LOXHD1: variants seen among roughly 807,000 people sequenced by gnomAD.
LOXHD1 encodes the protein lipoxygenase homology domain-containing protein 1.
Under a neutral mutation model 248.2 loss-of-function variants are expected in LOXHD1, and 205 were observed. The ratio of observed to expected loss-of-function variants is 0.83; its 90% CI spans 0.74 to 0.93. The LOEUF is 0.93. Among genes scored for constraint, LOXHD1 ranks in the 40% least tolerant of loss-of-function variants. LOXHD1 has a pLI of 0.00. For synonymous variants in LOXHD1, 1,113 were observed against 1,162.8 expected, an observed-to-expected ratio of 0.96 and a Z score of 0.87; for missense variants, 2,930 against 2,971.6, an observed-to-expected ratio of 0.99 and a Z score of 0.33.
chr18:46,483,894 A>C (rs2032806851), intron 39 of LOXHD1, 149 bp from the exon 40 acceptor site: 1 of 916,544 alleles, frequency 1.1e-6, no homozygotes, highest in Admixed American at 2.7e-5. Flanking sequence ...GGAGGCTTTG[A>C]GGGGTTCAGT....
chr18:46,582,679 AC>A (rs1176062203), intron 12 of LOXHD1, among the ~76,000 whole-genome samples: 2 of 152,212 alleles, frequency 1.3e-5, no homozygotes, highest in Non-Finnish European at 2.9e-5. Flanking sequence ...TTCTGCAGAA[AC>A]AGGGTGAATC....
rs192238883 is a variant in LOXHD1, at chr18:46,517,459, T to C, written c.5399+670A>G. Among the ~76,000 whole-genome samples, 18 of 152,260 alleles carry C rather than the reference T, an allele frequency of 1.2e-4. No individual in the cohort carries two copies. In the East Asian group the frequency reaches 3.5e-3, roughly 29 times the overall value. ...GGGGATGATAATAATTGGGTTATTA[T>C]TATAGGGTTGAGGAAAAGACTAAGT... On this transcript the variant is annotated intron_variant, in intron 34 of 40. Transcript: ENST00000642948.
intron 10 of LOXHD1, among the ~76,000 whole-genome samples, chr18:46,592,812 G>A (rs910189592): frequency 6.6e-6 from 1 of 152,154 alleles, no homozygotes; most frequent in African/African-American, 2.4e-5. Context: ...AGTCTGGGCC[G>A]GTGAAACTGA....
rs2037488720 is a variant in LOXHD1, at chr18:46,560,216, C to G, written c.2928G>C (p.Glu976Asp). Residue 976 changes from glutamate to aspartate, a missense_variant, in exon 19 of 41, where the codon GAG becomes GAC. By Grantham distance (45) the Glu-to-Asp change is conservative. Transcript: ENST00000642948. ...EEEEMEEEEE[E>D]EEFGPGMQEV... ...CCTGCATCCCCGGCCCAAACTCCTC[C>G]TCTTCCTCCTCTTCTTCCATCTCCT... The G allele has an allele frequency of 1.3e-6, 2 of 1,551,672 alleles. No individual in the cohort carries two copies. The highest frequency in any genetic ancestry group is 1.7e-6 in the Non-Finnish European group (2 of 1,146,966).
intron 10 of LOXHD1, among the ~76,000 whole-genome samples, chr18:46,593,388 G>A (rs1235628641): frequency 1.3e-5 from 2 of 152,166 alleles, no homozygotes; most frequent in Non-Finnish European, 2.9e-5. Flanking sequence ...GTTTGATTCA[G>A]ATGAATGGGC....
At chr18:46,588,133 T>A (rs1276826074) in intron 12 of LOXHD1, among the ~76,000 whole-genome samples, 18 of 152,058 alleles carry the variant, frequency 1.2e-4, no homozygotes, top group Admixed American at 1.2e-3. Context: ...CCAGCTCTAT[T>A]TATTGTTAGA....
intron 34 of LOXHD1, among the ~76,000 whole-genome samples, chr18:46,514,460 T>C (rs2035139704): frequency 6.6e-6 from 1 of 152,178 alleles, no homozygotes. Context: ...TCCCCAAAGA[T>C]AAGCCCTTTG....
intron 21 of LOXHD1, among the ~76,000 whole-genome samples, chr18:46,550,348 T>G (rs1000623788): frequency 6.7e-6 from 1 of 148,816 alleles, no homozygotes. Flanking sequence ...CCGAGGCGGG[T>G]GGATCATGAG....
At chr18:46,495,627 T>C (rs1433090070) in intron 37 of LOXHD1, among the ~76,000 whole-genome samples, 1 of 152,206 alleles carries the variant, frequency 6.6e-6, no homozygotes, top group Non-Finnish European at 1.5e-5. Flanking sequence ...CAATACATTG[T>C]ATTCCTCACA....
chr18:46,554,388 G>T (rs978448199), intron 21 of LOXHD1, among the ~76,000 whole-genome samples: 1 of 152,310 alleles, frequency 6.6e-6, no homozygotes, highest in South Asian at 2.1e-4. Context: ...AGCTCATAAA[G>T]GTCATGGAGA....
At chr18:46,517,557 T>A (rs1490367720) in intron 34 of LOXHD1, among the ~76,000 whole-genome samples, 1 of 152,192 alleles carries the variant, frequency 6.6e-6, no homozygotes, top group Non-Finnish European at 1.5e-5. Context: ...GTGTTGCTGT[T>A]ATTGCCCTCC....
At chr18:46,602,165 A>G (rs1397858360) in intron 7 of LOXHD1, among the ~76,000 whole-genome samples, 2 of 152,180 alleles carry the variant, frequency 1.3e-5, no homozygotes, top group Non-Finnish European at 2.9e-5. Context: ...TGGACAGGCA[A>G]TTCTACTAAG....
chr18:46,647,583 C>T (rs894322006), intron 2 of LOXHD1, among the ~76,000 whole-genome samples: 16 of 152,216 alleles, frequency 1.1e-4, no homozygotes, highest in East Asian at 7.7e-4. Flanking sequence ...CATGTATTCT[C>T]TTTACCGTGC....
Position 46,580,483 on chromosome 18 carries a change from C to T in LOXHD1, c.1655-699G>A, listed in dbSNP as rs1347792859. On this transcript the variant is annotated intron_variant, in intron 12 of 40. Transcript: ENST00000642948. ...TACTGTGGAGGGGGTAGACCTGCATCCCTGCATGCCCAGCCCTCCTTCTCA... is the reference window on the plus strand; with the variant it reads ...TACTGTGGAGGGGGTAGACCTGCATTCCTGCATGCCCAGCCCTCCTTCTCA... Among the ~76,000 whole-genome samples the T allele has an allele frequency of 3.3e-5, 5 of 152,322 alleles. No homozygotes were observed. In the South Asian group the frequency reaches 6.2e-4, roughly 19 times the overall value.
At position 46,563,190 on chromosome 18, in the gene LOXHD1, C is replaced by T. The variant is rs36086089; in HGVS notation, c.2473G>A (p.Val825Met). 129,666 of 1,522,664 alleles carry T rather than the reference C, an allele frequency of 0.085. 6,175 individuals are homozygous for T. The highest frequency in any genetic ancestry group is 0.15 in the Middle Eastern group (875 of 5,898). 94.3% of individuals were successfully genotyped at this position (1,522,664 alleles called of 1,614,324 possible). The change falls in exon 18 of 41, where the codon GTG becomes ATG. Residue 825 changes from valine (V) to methionine (M), a missense_variant. Transcript: ENST00000642948. ...CGGGCACTGGTGCCTGCGCCACCCA[C>T]ATCTCCTGTCCAAATCTCAACCTCA... ...HYEVEIWTGD[V>M]GGAGTSARVY...
chr18:46,558,517 C>T (rs2016012), intron 20 of LOXHD1, among the ~76,000 whole-genome samples: 12,521 of 152,128 alleles, frequency 0.082, 559 homozygotes, highest in Admixed American at 0.12. Flanking sequence ...CACTGAAACG[C>T]AGAAATAAAC....
intron 14 of LOXHD1, among the ~76,000 whole-genome samples, chr18:46,577,035 C>G (rs530091448): frequency 7.2e-5 from 11 of 152,340 alleles, no homozygotes; most frequent in African/African-American, 2.6e-4. Flanking sequence ...ATACAGAACT[C>G]AGCCTTGGAA....
chr18:46,545,398 T>A lies in LOXHD1; in HGVS notation c.3538A>T (p.Thr1180Ser), dbSNP rs1222290193. 6.4e-7 allele frequency: 1 copy of A among 1,551,748 alleles called. No individual in the cohort carries two copies. Among genetic ancestry groups the A allele is most frequent in the Non-Finnish European group, 8.7e-7 (1 of 1,146,802 alleles). Residue 1180 changes from threonine (T) to serine (S), a missense_variant, in exon 23 of 41, where the codon ACC (threonine) becomes TCC (serine). Thr to Ser is a moderately conservative substitution (Grantham distance 58, BLOSUM62 1). Coordinates refer to ENST00000642948, the MANE Select transcript of LOXHD1 (RefSeq NM_001384474.1). ...QKDKSTTFSV[T>S]IKTGVKKNAG... ...TTCTTCTTAACCCCAGTCTTTATGG[T>A]CACTGAGAATGTGGTAGATTTATCT...
At chr18:46,584,614 G>A (rs111952223) in intron 12 of LOXHD1, among the ~76,000 whole-genome samples, 8,135 of 152,038 alleles carry the variant, frequency 0.054, 266 homozygotes, top group Non-Finnish European at 0.079. Context: ...ATGCCCAGAT[G>A]TTTTTATTAC....
Sources: allele counts gnomAD v4.1 joint callset (sites outside exome capture counted in the v4.1 genomes callset), GRCh38; gene constraint gnomAD v4.1.1; transcripts MANE v1.5; gene names NCBI Gene and HGNC (gene_info 2026-07-23, HGNC 2026-07-21).